Variants in ULBP2 observed in about 807,000 individuals in gnomAD.
ULBP2 encodes the protein UL16-binding protein 2.
Under a neutral mutation model 23.6 loss-of-function variants are expected in ULBP2, and 21 were observed. That is an observed-to-expected ratio of 0.89 (90% CI 0.63 to 1.28). The LOEUF (loss-of-function observed/expected upper bound fraction) is 1.28, where lower values mean the gene tolerates loss of function less well. Among genes scored for constraint, ULBP2 ranks in the 50% most tolerant of loss-of-function variants. The pLI is 0.00. For missense variants in ULBP2, 251 were observed against 306.0 expected, an observed-to-expected ratio of 0.82 and a Z score of 1.34; for synonymous variants, 82 against 112.8, an observed-to-expected ratio of 0.73 and a Z score of 1.73.
Position 149,946,446 on chromosome 6 carries a change from A to G in ULBP2, c.424A>G (p.Ser142Gly). Reference sequence around the variant, plus strand: ...ACACAGCAGTGGATCTTGGCAGTTCAGTTTCGATGGGCAGATCTTCCTCCT... The same window carrying G: ...ACACAGCAGTGGATCTTGGCAGTTCGGTTTCGATGGGCAGATCTTCCTCCT... ...EGHSSGSWQF[S>G]FDGQIFLLFD... is the part of the protein sequence containing the mutation. The change falls in exon 3 of 5, where the codon AGT (serine) becomes GGT (glycine). Residue 142 changes from serine to glycine, a missense_variant. By Grantham distance (56) the Ser-to-Gly change is moderately conservative (BLOSUM62 0). Coordinates refer to ENST00000367351, the MANE Select transcript of ULBP2 (RefSeq NM_025217.4). 2 of 1,614,186 alleles carry G rather than the reference A, an allele frequency of 1.2e-6. No individual in the cohort carries two copies. The highest frequency in any genetic ancestry group is 1.3e-5 in the African/African-American group (1 of 75,034).
Position 149,948,779 on chromosome 6 carries a change from C to T in ULBP2, c.*79C>T, listed in dbSNP as rs1778980971. The stretch of plus-strand genomic sequence containing the variant: ...CACGGTCTTGATCAAACTCGCCCTT[C>T]TGTCTGGCCAGCTGCCCACGACCTA... On this transcript the variant is annotated 3_prime_UTR_variant, in exon 5 of 5. Transcript: ENST00000367351. 4.4e-6 allele frequency: 2 copies of T among 456,752 alleles called. No homozygotes were observed. Among genetic ancestry groups the T allele is most frequent in the Non-Finnish European group, 8.8e-6 (2 of 226,978 alleles). The allele number at this position is 456,752 out of a possible 1,614,324, so 28.3% of individuals were successfully genotyped here. A position where few individuals can be genotyped will look rare whatever the true frequency, so the allele number is the denominator to read the frequency against.
intron 1 of ULBP2, 79 bp downstream of exon 1, chr6:149,942,236 G>T: frequency 2.0e-6 from 3 of 1,473,294 alleles, no homozygotes; most frequent in Non-Finnish European, 2.7e-6. Context: ...TCAGAGGAGG[G>T]GAGGCTTCTA....
At chr6:149,945,796 C>T (rs1270068563) in intron 2 of ULBP2, among the ~76,000 whole-genome samples, 1 of 152,126 alleles carries the variant, frequency 6.6e-6, no homozygotes, top group African/African-American at 2.4e-5. Context: ...CAAAAATTAG[C>T]CAGGCATGGT....
At position 149,946,437 on chromosome 6, in the gene ULBP2, T is replaced by G; in HGVS notation, c.415T>G (p.Trp139Gly). The G allele has an allele frequency of 1.9e-6, 3 of 1,614,180 alleles. No homozygotes were observed. The highest frequency in any genetic ancestry group is 1.7e-5 in the Admixed American group (1 of 60,026). The change falls in exon 3 of 5, where the codon TGG becomes GGG. Residue 139 changes from tryptophan to glycine, a missense_variant. Transcript: ENST00000367351. ...QKAEGHSSGS[W>G]QFSFDGQIFL... ...AGCTGAAGGACACAGCAGTGGATCTTGGCAGTTCAGTTTCGATGGGCAGAT... is the reference window on the plus strand; with the variant it reads ...AGCTGAAGGACACAGCAGTGGATCTGGGCAGTTCAGTTTCGATGGGCAGAT...
In ULBP2 at chr6:149,947,212, G is replaced by A; in HGVS notation, c.632-108G>A. On this transcript the variant is annotated intron_variant, in intron 3 of 4. Coordinates refer to ENST00000367351, the MANE Select transcript of ULBP2 (RefSeq NM_025217.4). ...GGCTGCCCCACACCAGGGGGGAGAG[G>A]ACAAAACTTTTGCCTTCCAGGATGA... 3.8e-6 allele frequency: 6 copies of A among 1,594,120 alleles called. No individual in the cohort carries two copies. In the East Asian group the frequency reaches 6.8e-5, roughly 18 times the overall value.
At chr6:149,942,233 A>G in intron 1 of ULBP2, 76 bp downstream of exon 1, 1 of 1,485,412 alleles carries the variant, frequency 6.7e-7, no homozygotes, top group African/African-American at 1.4e-5. Context: ...GTTTCAGAGG[A>G]GGGGAGGCTT....
chr6:149,945,468 A>T lies in ULBP2; in HGVS notation c.245A>T (p.Asn82Ile). The T allele has an allele frequency of 6.2e-7, 1 of 1,614,044 alleles. No homozygotes were observed. The highest frequency in any genetic ancestry group is 1.3e-5 in the African/African-American group (1 of 75,048). ...GTCAGTCCCCTGGGGAAGAAACTAA[A>T]TGTCACAACGGCCTGGAAAGCACAG... ...TPVSPLGKKL[N>I]VTTAWKAQNP... The change falls in exon 2 of 5, where the codon AAT becomes ATT. Residue 82 changes from asparagine (N) to isoleucine (I), a missense_variant. Coordinates refer to ENST00000367351, the MANE Select transcript of ULBP2 (RefSeq NM_025217.4).
intron 1 of ULBP2, 134 bp from the exon 2 acceptor site, chr6:149,945,175 A>G (rs1420171790): frequency 1.9e-6 from 2 of 1,074,088 alleles, no homozygotes; most frequent in Non-Finnish European, 2.7e-6. Context: ...TGTAGACACC[A>G]CAGTTCTGGA....
Position 149,946,602 on chromosome 6 carries a change from C to G in ULBP2, c.580C>G (p.Leu194Val), listed in dbSNP as rs746019188. 2 of 1,613,992 alleles carry G rather than the reference C, an allele frequency of 1.2e-6. No individual in the cohort carries two copies. The highest frequency in any genetic ancestry group is 2.7e-5 in the African/African-American group (2 of 74,894). Residue 194 changes from leucine (L) to valine (V), a missense_variant, in exon 3 of 5, where the codon CTT becomes GTT. Physicochemically the swap from Leu to Val is conservative, Grantham distance 32. Coordinates refer to ENST00000367351, the MANE Select transcript of ULBP2 (RefSeq NM_025217.4). ...YFSMGDCIGW[L>V]EDFLMGMDST... The stretch of plus-strand genomic sequence containing the variant: ...CTCAATGGGAGACTGTATAGGATGG[C>G]TTGAGGACTTCTTGATGGGCATGGA...
intron 1 of ULBP2, among the ~76,000 whole-genome samples, chr6:149,943,466 G>A (rs1041116974): frequency 2.6e-5 from 4 of 152,158 alleles, no homozygotes; most frequent in Admixed American, 2.6e-4. Context: ...GTGAGGGGGT[G>A]CAGCCACGTG....
At chr6:149,944,664 C>T (rs1778908477) in intron 1 of ULBP2, among the ~76,000 whole-genome samples, 2 of 122,870 alleles carry the variant, frequency 1.6e-5, no homozygotes, top group South Asian at 2.8e-4. Context: ...CACTTAGACC[C>T]CTCTGGCATG....
At chr6:149,942,220 C>T in intron 1 of ULBP2, 63 bp downstream of exon 1, 6 of 1,544,300 alleles carry the variant, frequency 3.9e-6, no homozygotes, top group Non-Finnish European at 4.4e-6. Context: ...TGAACTGCCG[C>T]GGGTTTCAGA....
chr6:149,942,567 G>A (rs1351833966), intron 1 of ULBP2, among the ~76,000 whole-genome samples: 1 of 152,112 alleles, frequency 6.6e-6, no homozygotes, highest in African/African-American at 2.4e-5. Context: ...ACCAGCCACA[G>A]GCCTGCTCTG....
chr6:149,942,291 C>G, intron 1 of ULBP2, 134 bp downstream of exon 1: 1 of 917,670 alleles, frequency 1.1e-6, no homozygotes, highest in Non-Finnish European at 1.6e-6. Context: ...CGTTCAGTTC[C>G]GGTCGGCGGC....
intron 3 of ULBP2, 101 bp downstream of exon 3, chr6:149,946,754 T>A (rs1778948932): frequency 6.4e-7 from 1 of 1,557,938 alleles, no homozygotes; most frequent in Admixed American, 1.9e-5. Context: ...AGTATACACA[T>A]TCACGTTAAA....
chr6:149,948,622 T>G (rs1442179438), intron 4 of ULBP2, 101 bp from the exon 5 acceptor site: 1 of 455,774 alleles, frequency 2.2e-6, no homozygotes, highest in Non-Finnish European at 4.4e-6. Flanking sequence ...GGTCCCTTAG[T>G]GCAGGGGGCT....
chr6:149,948,163 T>A (rs4368824), intron 4 of ULBP2, among the ~76,000 whole-genome samples: 26,375 of 152,136 alleles, frequency 0.17, 2,610 homozygotes, highest in African/African-American at 0.26. Context: ...TGGCCCTGCC[T>A]GGAGCAGAGT....
At position 149,946,814 on chromosome 6, in the gene ULBP2, T is replaced by C. The variant is rs377030440; in HGVS notation, c.631+161T>C. 725 of 1,205,942 alleles carry C rather than the reference T, an allele frequency of 6.0e-4. 2 individuals carry two copies. In the African/African-American group the frequency reaches 7.6e-3, roughly 13 times the overall value. 74.7% of individuals were successfully genotyped at this position (1,205,942 alleles called of 1,614,324 possible). ...CCTGGGGTTACTGGCATGCCTGTGC[T>C]CTCCCACCGTCCTCTTCCTTCTCCC... On this transcript the variant is annotated intron_variant, in intron 3 of 4. Transcript: ENST00000367351.
Position 149,948,820 on chromosome 6 carries a change from G to A in ULBP2, c.*120G>A. On this transcript the variant is annotated 3_prime_UTR_variant, in exon 5 of 5. Coordinates refer to ENST00000367351, the MANE Select transcript of ULBP2 (RefSeq NM_025217.4). ...CCACGACCTACGGTGTATGTCCAGT[G>A]GCCTCCAGCAGATCATGATGACATC... is the stretch of plus-strand genomic sequence containing the variant. 2 of 455,532 alleles carry A rather than the reference G, an allele frequency of 4.4e-6. No individual in the cohort carries two copies. The highest frequency in any genetic ancestry group is 2.4e-5 in the Admixed American group (1 of 42,382). 28.2% of individuals were successfully genotyped at this position (455,532 alleles called of 1,614,324 possible).
Sources: gnomAD v4.1 joint callset for allele counts (sites outside exome capture counted in the v4.1 genomes callset) on GRCh38, gnomAD v4.1.1 for gene constraint, MANE v1.5 for transcripts, NCBI Gene and HGNC (gene_info 2026-07-23, HGNC 2026-07-21) for gene names.